Variants in AGBL1 observed in about 807,000 individuals in gnomAD.
AGBL1 encodes cytosolic carboxypeptidase 4.
AGBL1 carries 130 observed loss-of-function variants against 118.9 expected under a neutral mutation model. The ratio of observed to expected loss-of-function variants is 1.09; its 90% CI spans 0.95 to 1.26. AGBL1 has a LOEUF of 1.26. Among genes scored for constraint, AGBL1 ranks in the 50% most tolerant of loss-of-function variants. The pLI is 0.00. For missense variants in AGBL1, 1,584 were observed against 1,298.1 expected, an observed-to-expected ratio of 1.22 and a Z score of -3.38; for synonymous variants, 555 against 478.9, an observed-to-expected ratio of 1.16 and a Z score of -2.08.
chr15:86,161,205 T>G (rs1597476477), intron 5 of AGBL1, among the ~76,000 whole-genome samples: 1 of 152,250 alleles, frequency 6.6e-6, no homozygotes, highest in East Asian at 1.9e-4. Flanking sequence ...GGCAAGATGG[T>G]TTTCCTTCTT....
intron 17 of AGBL1, chr15:86,296,600 C>T (rs1476562765): frequency 6.6e-6 from 1 of 152,256 alleles, no homozygotes; most frequent in East Asian, 1.9e-4. Context: ...TATTTTCTCA[C>T]ACCCCATCAG....
intron 15 of AGBL1, among the ~76,000 whole-genome samples, chr15:86,277,275 GGAGA>G (rs770220243): frequency 7.0e-5 from 8 of 114,204 alleles, no homozygotes; most frequent in Admixed American, 5.2e-4. Flanking sequence ...TAGCATGTTA[GGAGA>G]GAGAGAGAGA....
chr15:86,534,697 AAAACT>A (rs1189559495), intron 19 of AGBL1, among the ~76,000 whole-genome samples: 3 of 152,258 alleles, frequency 2.0e-5, no homozygotes, highest in Admixed American at 6.5e-5. Context: ...AACTAAAACC[AAAACT>A]AAACCAAAAA....
At chr15:86,780,553 A>G (rs1278168021) in intron 22 of AGBL1, among the ~76,000 whole-genome samples, 1 of 152,158 alleles carries the variant, frequency 6.6e-6, no homozygotes, top group African/African-American at 2.4e-5. Flanking sequence ...AATCGCATTG[A>G]GTCAGTAGAT....
chr15:86,921,267 G>T (rs569940926), intron 23 of AGBL1, among the ~76,000 whole-genome samples: 1 of 152,162 alleles, frequency 6.6e-6, no homozygotes, highest in Non-Finnish European at 1.5e-5. Flanking sequence ...CCAGCCTGTG[G>T]ATGGGACTTC....
At chr15:86,922,450 C>T (rs1428120171) in intron 23 of AGBL1, among the ~76,000 whole-genome samples, 3 of 152,168 alleles carry the variant, frequency 2.0e-5, no homozygotes. Context: ...GCCACCATGC[C>T]CAGCTAATTC....
intron 21 of AGBL1, among the ~76,000 whole-genome samples, chr15:86,584,482 G>T (rs1247068979): frequency 6.6e-6 from 1 of 152,138 alleles, no homozygotes; most frequent in Admixed American, 6.6e-5. Flanking sequence ...CTTTGTTGAA[G>T]ATCAGATGGA....
intron 18 of AGBL1, among the ~76,000 whole-genome samples, chr15:86,460,159 C>T (rs1386235450): frequency 6.6e-6 from 1 of 151,564 alleles, no homozygotes; most frequent in Non-Finnish European, 1.5e-5. Flanking sequence ...ACTTAGATGT[C>T]AAGGGACAAA....
chr15:86,973,118 G>A (rs28471041), intron 23 of AGBL1, among the ~76,000 whole-genome samples: 8,204 of 152,038 alleles, frequency 0.054, 753 homozygotes, highest in African/African-American at 0.19. Flanking sequence ...TTGTGATGCT[G>A]TAAGCTTGTT....
chr15:86,463,157 T>C (rs1231857435), intron 18 of AGBL1, among the ~76,000 whole-genome samples: 1 of 152,232 alleles, frequency 6.6e-6, no homozygotes, highest in Non-Finnish European at 1.5e-5. Flanking sequence ...GGTATCTCAT[T>C]GTGGTTTTGA....
chr15:86,841,119 C>T (rs2079239052), intron 22 of AGBL1, among the ~76,000 whole-genome samples: 2 of 152,330 alleles, frequency 1.3e-5, no homozygotes, highest in South Asian at 4.1e-4. Flanking sequence ...GGATGAATGA[C>T]AGTATTTTTC....
chr15:86,917,344 C>T (rs539065761), downstream of AGBL1, among the ~76,000 whole-genome samples: 4 of 152,322 alleles, frequency 2.6e-5, no homozygotes, highest in African/African-American at 4.8e-5. The surrounding 1 kb of genome is among the most constrained non-coding windows in gnomAD (Gnocchi z 4.8). Flanking sequence ...CCTTGTCTCT[C>T]AGCATTTGGG....
chr15:86,343,598 A>C lies in AGBL1; in HGVS notation c.2374+48190A>C, dbSNP rs150524041. 5.5e-4 allele frequency among the ~76,000 whole-genome samples: 84 copies of C among 152,320 alleles called. 1 individual carries two copies. The highest frequency in any genetic ancestry group is 1.9e-3 in the African/African-American group (79 of 41,574). On this transcript the variant is annotated intron_variant, in intron 17 of 22. Coordinates refer to ENST00000614907, the MANE Select transcript of AGBL1 (RefSeq NM_001386094.1). ...ATTCAATCCAAATAGCATTGAAATCATGTTTGTGCTCAGAAAACATGGATT... is the reference window on the plus strand; with the variant it reads ...ATTCAATCCAAATAGCATTGAAATCCTGTTTGTGCTCAGAAAACATGGATT...
chr15:86,227,014 T>G (rs1186644135), intron 6 of AGBL1, among the ~76,000 whole-genome samples: 1 of 152,230 alleles, frequency 6.6e-6, no homozygotes, highest in East Asian at 1.9e-4. Flanking sequence ...TAAATTTTTT[T>G]TGTTGTTGTT....
intron 23 of AGBL1, among the ~76,000 whole-genome samples, chr15:86,947,822 A>G (rs2080841125): frequency 1.3e-5 from 2 of 152,224 alleles, no homozygotes; most frequent in Admixed American, 1.3e-4. Context: ...AAAATAATTC[A>G]TACAGATTAT....
At chr15:86,769,503 G>A (rs2078142721) in intron 22 of AGBL1, among the ~76,000 whole-genome samples, 1 of 151,936 alleles carries the variant, frequency 6.6e-6, no homozygotes, top group Non-Finnish European at 1.5e-5. Context: ...TAAGGACTCT[G>A]AGTTGTATTT....
intron 21 of AGBL1, among the ~76,000 whole-genome samples, chr15:86,625,224 G>T (rs1199134965): frequency 6.6e-6 from 1 of 152,124 alleles, no homozygotes; most frequent in African/African-American, 2.4e-5. Context: ...ATGGGCCTCA[G>T]TTTCCCAATC....
At chr15:86,249,235 G>C (rs554421589) in intron 7 of AGBL1, among the ~76,000 whole-genome samples, 1 of 152,140 alleles carries the variant, frequency 6.6e-6, no homozygotes, top group African/African-American at 2.4e-5. Context: ...TATTATCTCT[G>C]GATTAGGCCA....
At chr15:86,841,536 C>G (rs964259743) in intron 22 of AGBL1, among the ~76,000 whole-genome samples, 1 of 152,120 alleles carries the variant, frequency 6.6e-6, no homozygotes, top group African/African-American at 2.4e-5. Flanking sequence ...ACACATCTCA[C>G]GATTTGAGCT....
Sources: allele counts gnomAD v4.1 joint callset (sites outside exome capture counted in the v4.1 genomes callset), GRCh38; gene constraint gnomAD v4.1.1; non-coding constraint Gnocchi (gnomAD v3.1); transcripts MANE v1.5; gene names NCBI Gene and HGNC (gene_info 2026-07-23, HGNC 2026-07-21).